Variants in SNX29 observed in about 807,000 individuals in gnomAD.
SNX29 encodes sorting nexin-29.
Under a neutral mutation model 102.1 loss-of-function variants are expected in SNX29, and 78 were observed. The observed-to-expected ratio is 0.76, with a 90% confidence interval of 0.64 to 0.92. SNX29 has a LOEUF of 0.92. Among genes scored for constraint, SNX29 ranks in the 40% least tolerant of loss-of-function variants. The probability of loss-of-function intolerance (pLI) is 0.00; values close to 1 mark genes in which losing one functional copy is unlikely to be tolerated. For synonymous variants in SNX29, 580 were observed against 414.5 expected, an observed-to-expected ratio of 1.40 and a Z score of -4.85; for missense variants, 1,280 against 1,061.7, an observed-to-expected ratio of 1.21 and a Z score of -2.86.
intron 18 of SNX29, among the ~76,000 whole-genome samples, chr16:12,446,216 C>T (rs570454904): frequency 7.2e-5 from 11 of 152,072 alleles, no homozygotes; most frequent in East Asian, 1.9e-4. Context: ...CCACCATGCC[C>T]GGCTAATTTT....
intron 16 of SNX29, among the ~76,000 whole-genome samples, chr16:12,362,417 G>A (rs1391475306): frequency 6.6e-6 from 1 of 152,160 alleles, no homozygotes; most frequent in Non-Finnish European, 1.5e-5. Flanking sequence ...CCTGCTGCAG[G>A]AATATCCCTT....
At chr16:12,453,819 G>C (rs2086411872) in intron 18 of SNX29, among the ~76,000 whole-genome samples, 1 of 152,172 alleles carries the variant, frequency 6.6e-6, no homozygotes, top group Non-Finnish European at 1.5e-5. Flanking sequence ...CAATAAGACT[G>C]TAGGCATTTA....
rs1598132158 is a variant in SNX29, at chr16:12,569,429, G to T, written c.*800G>T. ...CTAGTAACCCGGCGTCATCCAGCGTGTCCAAAGTAGCATTGGCCCTACAGT... is the reference window on the plus strand; with the variant it reads ...CTAGTAACCCGGCGTCATCCAGCGTTTCCAAAGTAGCATTGGCCCTACAGT... On this transcript the variant is annotated 3_prime_UTR_variant, in exon 21 of 21. Coordinates refer to ENST00000566228, the MANE Select transcript of SNX29 (RefSeq NM_032167.5). The T allele has an allele frequency of 8.7e-6, 2 of 230,700 alleles. No individual in the cohort carries two copies. The highest frequency in any genetic ancestry group is 8.6e-6 in the Non-Finnish European group (1 of 116,552). The allele number at this position is 230,700 out of a possible 1,614,324, so 14.3% of individuals were successfully genotyped here.
intron 10 of SNX29, among the ~76,000 whole-genome samples, chr16:12,076,113 G>A (rs1194919380): frequency 3.9e-5 from 6 of 152,150 alleles, no homozygotes; most frequent in South Asian, 2.1e-4. Flanking sequence ...GACCCCTTGC[G>A]CTTCCCGAGT....
chr16:12,106,621 G>A (rs954885117), intron 11 of SNX29, among the ~76,000 whole-genome samples: 10 of 149,388 alleles, frequency 6.7e-5, no homozygotes, highest in African/African-American at 2.2e-4. Flanking sequence ...CTACAGGCAC[G>A]TGCCACCATG....
At chr16:12,306,955 C>T (rs1013594121) in intron 15 of SNX29, among the ~76,000 whole-genome samples, 4 of 152,148 alleles carry the variant, frequency 2.6e-5, no homozygotes, top group African/African-American at 9.7e-5. Context: ...CCTGCACCCC[C>T]TTGTGCAGGG....
chr16:12,077,461 C>G (rs1226725895), intron 10 of SNX29, among the ~76,000 whole-genome samples: 1 of 151,010 alleles, frequency 6.6e-6, no homozygotes, highest in Non-Finnish European at 1.5e-5. Flanking sequence ...CCGTGCTGTT[C>G]TCACCAAAGA....
intron 20 of SNX29, among the ~76,000 whole-genome samples, chr16:12,554,466 C>G (rs548044519): frequency 6.6e-6 from 1 of 152,216 alleles, no homozygotes; most frequent in South Asian, 2.1e-4. Flanking sequence ...GTCCATGGGT[C>G]CTGCACATAG....
In SNX29 at chr16:12,323,317, C is replaced by T. The variant is rs182474062; in HGVS notation, c.1783-32846C>T. Among the ~76,000 whole-genome samples the T allele has an allele frequency of 2.6e-4, 39 of 152,238 alleles. No homozygotes were observed. The East Asian group carries it at 5.0e-3, about 20-fold the overall frequency. On this transcript the variant is annotated intron_variant, in intron 15 of 20. Transcript: ENST00000566228. Reference sequence around the variant, plus strand: ...CTTTGAGTCATTCCTTTTCTCCAGTCGTGAGTTGTGCTGTCTGCCCACCAC... The same window carrying T: ...CTTTGAGTCATTCCTTTTCTCCAGTTGTGAGTTGTGCTGTCTGCCCACCAC...
chr16:12,194,014 ATATC>A (rs1212057448), intron 13 of SNX29, among the ~76,000 whole-genome samples: 2 of 152,172 alleles, frequency 1.3e-5, no homozygotes, highest in African/African-American at 4.8e-5. Context: ...CTGCTAGTCT[ATATC>A]TATAAGAAAT....
At chr16:12,072,144 C>T (rs350238) in intron 10 of SNX29, among the ~76,000 whole-genome samples, 83,358 of 151,928 alleles carry the variant, frequency 0.55, 24,375 homozygotes, top group African/African-American at 0.77. Context: ...CTTTTCCTAA[C>T]TGAATACCCT....
intron 20 of SNX29, among the ~76,000 whole-genome samples, chr16:12,546,849 C>T (rs937786960): frequency 6.6e-6 from 1 of 152,152 alleles, no homozygotes; most frequent in African/African-American, 2.4e-5. Flanking sequence ...TAAGATTATA[C>T]AGTCACCAGT....
At position 12,354,882 on chromosome 16, in the gene SNX29, C is replaced by T. The variant is rs1003904263; in HGVS notation, c.1783-1281C>T. 2.0e-5 allele frequency among the ~76,000 whole-genome samples: 3 copies of T among 152,136 alleles called. No individual in the cohort carries two copies. In the South Asian group the frequency reaches 6.2e-4, roughly 32 times the overall value. On this transcript the variant is annotated intron_variant, in intron 15 of 20. Transcript: ENST00000566228. ...AGAAAGGCTCAGTGACTTATTCTGC[C>T]TTTGTTAATTGCATGGTTCTTGCAG... is the stretch of plus-strand genomic sequence containing the variant.
chr16:12,362,855 A>G (rs975464128), intron 16 of SNX29, among the ~76,000 whole-genome samples: 2 of 152,174 alleles, frequency 1.3e-5, no homozygotes, highest in South Asian at 2.1e-4. Flanking sequence ...CCACAAGGGC[A>G]AGTTTTTGTT....
intron 20 of SNX29, among the ~76,000 whole-genome samples, chr16:12,534,575 TG>T (rs1256707463): frequency 6.6e-6 from 1 of 152,194 alleles, no homozygotes; most frequent in East Asian, 1.9e-4. Flanking sequence ...TTATTAGGGT[TG>T]AAAAAGAAGT....
intron 17 of SNX29, among the ~76,000 whole-genome samples, chr16:12,401,765 T>G (rs1421020764): frequency 6.6e-6 from 1 of 152,188 alleles, no homozygotes; most frequent in Non-Finnish European, 1.5e-5. Flanking sequence ...CTATCTCCAG[T>G]ACCCAGAGTA....
intron 18 of SNX29, among the ~76,000 whole-genome samples, chr16:12,463,476 CAG>C (rs1324425714): frequency 6.6e-6 from 1 of 152,128 alleles, no homozygotes; most frequent in Non-Finnish European, 1.5e-5. Flanking sequence ...AAAGCTTGTG[CAG>C]AGAAACTCTG....
At chr16:12,568,461 C>CT in intron 20 of SNX29, 45 bp from the exon 21 acceptor site, 2 of 1,602,996 alleles carry the variant, frequency 1.2e-6, no homozygotes, top group Non-Finnish European at 8.5e-7. Flanking sequence ...TGGTCATTTG[C>CT]TTTTCATCCC....
intron 16 of SNX29, among the ~76,000 whole-genome samples, chr16:12,392,428 C>T (rs1330850511): frequency 6.6e-6 from 1 of 152,094 alleles, no homozygotes; most frequent in Non-Finnish European, 1.5e-5. Flanking sequence ...CCTTTGCCTC[C>T]CACCCTTTCC....
Sources: allele counts gnomAD v4.1 joint callset (sites outside exome capture counted in the v4.1 genomes callset), GRCh38; gene constraint gnomAD v4.1.1; transcripts MANE v1.5; gene names NCBI Gene and HGNC (gene_info 2026-07-23, HGNC 2026-07-21).